ABCC1: variants seen among roughly 807,000 people sequenced by gnomAD.
ABCC1 encodes multidrug resistance-associated protein 1.
ABCC1 carries 83 observed loss-of-function variants against 172.9 expected under a neutral mutation model. The observed-to-expected ratio is 0.48, with a 90% CI of 0.40 to 0.58. ABCC1 has a LOEUF of 0.58. Among genes scored for constraint, ABCC1 ranks in the 20% least tolerant of loss-of-function variants. ABCC1 has a pLI of 0.00. For synonymous variants in ABCC1, 937 were observed against 825.2 expected, an observed-to-expected ratio of 1.14 and a Z score of -2.32; for missense variants, 1,817 against 2,002.7, an observed-to-expected ratio of 0.91 and a Z score of 1.77.
chr16:16,103,234 C>A (rs935757360), intron 20 of ABCC1, among the ~76,000 whole-genome samples: 7 of 152,072 alleles, frequency 4.6e-5, no homozygotes, highest in African/African-American at 1.7e-4. Flanking sequence ...TTCCTTAGAT[C>A]CCTGGGGATT....
At chr16:16,055,525 G>A (rs1160654706) in intron 11 of ABCC1, among the ~76,000 whole-genome samples, 2 of 151,438 alleles carry the variant, frequency 1.3e-5, no homozygotes, top group Admixed American at 1.3e-4. Flanking sequence ...ACTCCAGCCT[G>A]GGCAAGAGAG....
intron 1 of ABCC1, among the ~76,000 whole-genome samples, chr16:16,004,611 G>A (rs1460703711): frequency 6.7e-6 from 1 of 148,768 alleles, no homozygotes; most frequent in Non-Finnish European, 1.5e-5. Context: ...GTGTCTTGAT[G>A]TTTCCTGGCT....
intron 1 of ABCC1, among the ~76,000 whole-genome samples, chr16:16,007,241 T>A (rs1317707736): frequency 1.3e-5 from 2 of 151,754 alleles, no homozygotes; most frequent in African/African-American, 2.4e-5. Context: ...TGTGTGTGTG[T>A]GTGAGAGACA....
chr16:16,137,851 C>T (rs369155635), intron 29 of ABCC1, among the ~76,000 whole-genome samples: 2 of 150,766 alleles, frequency 1.3e-5, no homozygotes, highest in African/African-American at 4.9e-5. Context: ...CTGTGCCCGG[C>T]TCTTATTTTT....
At chr16:16,091,299 T>C (rs1459862947) in intron 19 of ABCC1, among the ~76,000 whole-genome samples, 1 of 150,316 alleles carries the variant, frequency 6.7e-6, no homozygotes, top group Non-Finnish European at 1.5e-5. Context: ...GCACAGTGGC[T>C]CACGCCTGTA....
At chr16:15,949,269 C>T (rs1363858612), upstream of ABCC1, among the ~76,000 whole-genome samples, 2 of 151,930 alleles carry the variant, frequency 1.3e-5, no homozygotes, top group African/African-American at 2.4e-5. Context: ...AGGTAGGGGG[C>T]TCCGTTCACG....
At chr16:16,084,282 T>C (rs1403173913) in intron 17 of ABCC1, among the ~76,000 whole-genome samples, 3 of 152,130 alleles carry the variant, frequency 2.0e-5, no homozygotes, top group Admixed American at 6.5e-5. Flanking sequence ...TTTGTATTTT[T>C]AGTCGAGGCA....
At chr16:15,982,290 C>G in intron 1 of ABCC1, among the ~76,000 whole-genome samples, 1 of 152,090 alleles carries the variant, frequency 6.6e-6, no homozygotes, top group East Asian at 1.9e-4. Flanking sequence ...CTATAAAGAA[C>G]TGCCCAAGAC....
chr16:16,010,575 C>A (rs546238928), intron 3 of ABCC1, among the ~76,000 whole-genome samples: 1 of 152,158 alleles, frequency 6.6e-6, no homozygotes, highest in Non-Finnish European at 1.5e-5. Flanking sequence ...AAATAGGAAA[C>A]TGCTCTGTCC....
chr16:16,059,681 T>C (rs112390209), intron 12 of ABCC1, among the ~76,000 whole-genome samples: 4 of 152,024 alleles, frequency 2.6e-5, no homozygotes, highest in African/African-American at 9.7e-5. Flanking sequence ...GGTGCGCACC[T>C]GTGGTCATAG....
At chr16:16,104,162 G>A (rs1385408968) in intron 20 of ABCC1, among the ~76,000 whole-genome samples, 1 of 152,138 alleles carries the variant, frequency 6.6e-6, no homozygotes, top group Non-Finnish European at 1.5e-5. Flanking sequence ...ACACTGAGCA[G>A]CAGAAAGATT....
At chr16:16,136,728 C>T (rs938772926) in intron 29 of ABCC1, 84 bp downstream of exon 29, 2 of 1,444,114 alleles carry the variant, frequency 1.4e-6, no homozygotes, top group African/African-American at 1.4e-5. Context: ...CTGTCCAGAT[C>T]TGTGTCACCT....
chr16:16,050,311 TAGTC>T (rs1201862237), intron 10 of ABCC1, among the ~76,000 whole-genome samples: 1 of 151,932 alleles, frequency 6.6e-6, no homozygotes, highest in Non-Finnish European at 1.5e-5. Flanking sequence ...ATATAAACAT[TAGTC>T]AGGCATGGTG....
intron 13 of ABCC1, among the ~76,000 whole-genome samples, chr16:16,070,533 C>T (rs2050303852): frequency 6.6e-6 from 1 of 151,938 alleles, no homozygotes; most frequent in Admixed American, 6.6e-5. Context: ...GGTGTGGTGG[C>T]AGGTGCCTGT....
At chr16:16,105,705 TTTTCTTTTC>T (rs962764241) in intron 20 of ABCC1, among the ~76,000 whole-genome samples, 3 of 139,454 alleles carry the variant, frequency 2.2e-5, no homozygotes, top group Non-Finnish European at 3.1e-5. Flanking sequence ...ATTTCTTTTC[TTTTCTTTTC>T]TTTTTTTTTT....
chr16:15,983,765 A>G (rs1056538236), intron 1 of ABCC1, among the ~76,000 whole-genome samples: 3 of 135,248 alleles, frequency 2.2e-5, no homozygotes, highest in Non-Finnish European at 3.2e-5. Flanking sequence ...CATGTTGGCC[A>G]GGCTCCTCTC....
Position 16,125,909 on chromosome 16 carries a change from G to A in ABCC1, c.3817G>A (p.Glu1273Lys). The A allele has an allele frequency of 6.2e-7, 1 of 1,613,562 alleles. No individual in the cohort carries two copies. Among genetic ancestry groups the A allele is most frequent in the Non-Finnish European group, 8.5e-7 (1 of 1,179,678 alleles). The change falls in exon 26 of 31, where the codon GAG (glutamate) becomes AAG (lysine). Residue 1273 changes from glutamate (E) to lysine (K), a missense_variant and splice_region_variant. Physicochemically the swap from Glu to Lys is moderately conservative, Grantham distance 56. Transcript: ENST00000399410. ...CAAGGAGTATTCAGAGACTGAGAAGGAGGTAGGCAAGGGCCCCTGGCTGGA... is the reference window on the plus strand; with the variant it reads ...CAAGGAGTATTCAGAGACTGAGAAGAAGGTAGGCAAGGGCCCCTGGCTGGA... ...RLKEYSETEK[E>K]APWQIQETAP... is the part of the protein sequence containing the mutation.
At chr16:16,067,910 A>G (rs1367907294) in intron 12 of ABCC1, among the ~76,000 whole-genome samples, 2 of 152,160 alleles carry the variant, frequency 1.3e-5, no homozygotes, top group Non-Finnish European at 2.9e-5. Flanking sequence ...CATCTCTGAG[A>G]AAGTTGATGG....
intron 30 of ABCC1, 56 bp downstream of exon 30, chr16:16,138,614 C>T: frequency 7.2e-7 from 1 of 1,392,196 alleles, no homozygotes; most frequent in Non-Finnish European, 9.6e-7. Flanking sequence ...TACTCACTGG[C>T]TCACTCATTA....
Sources: allele counts gnomAD v4.1 joint callset (sites outside exome capture counted in the v4.1 genomes callset), GRCh38; gene constraint gnomAD v4.1.1; transcripts MANE v1.5; gene names NCBI Gene and HGNC (gene_info 2026-07-23, HGNC 2026-07-21).